IHO1: variants seen among roughly 807,000 people sequenced by gnomAD.
The protein encoded by IHO1 is interactor of HORMAD1 1, also known as interactor of HORMAD1 protein 1.
IHO1 carries 13 observed loss-of-function variants against 31.0 expected under a neutral mutation model. The ratio of observed to expected loss-of-function variants is 0.42; its 90% CI spans 0.27 to 0.67. IHO1 has a LOEUF of 0.67. Among genes scored for constraint, IHO1 ranks in the 30% least tolerant of loss-of-function variants. The pLI, the probability that IHO1 is intolerant of heterozygous loss-of-function variation, is 0.24. For synonymous variants in IHO1, 221 were observed against 248.4 expected, an observed-to-expected ratio of 0.89 and a Z score of 1.04; for missense variants, 599 against 687.5, an observed-to-expected ratio of 0.87 and a Z score of 1.44.
At chr3:49,234,141 A>G (rs1227169601) in intron 2 of IHO1, among the ~76,000 whole-genome samples, 5 of 150,710 alleles carry the variant, frequency 3.3e-5, no homozygotes, top group Admixed American at 1.3e-4. Flanking sequence ...ACAAATTGTT[A>G]CACAGATGTC....
chr3:49,229,111 G>A (rs1385955059), intron 2 of IHO1, among the ~76,000 whole-genome samples: 8 of 152,082 alleles, frequency 5.3e-5, no homozygotes, highest in South Asian at 2.1e-4. Context: ...TGATTGGTGC[G>A]TTTTTACAGA....
chr3:49,194,316 A>ATATT (rs2107671061), upstream of IHO1, among the ~76,000 whole-genome samples: 1 of 138,520 alleles, frequency 7.2e-6, no homozygotes, highest in Admixed American at 7.2e-5. Flanking sequence ...ATATATATAT[A>ATATT]TATTTGAGAC....
chr3:49,202,259 G>A (rs896753488), intron 1 of IHO1, among the ~76,000 whole-genome samples: 3 of 151,704 alleles, frequency 2.0e-5, no homozygotes, highest in African/African-American at 7.3e-5. Flanking sequence ...TTAGAATGAT[G>A]ATGTGTTGCA....
intron 1 of IHO1, among the ~76,000 whole-genome samples, chr3:49,210,944 C>T (rs951999146): frequency 1.3e-5 from 2 of 151,690 alleles, no homozygotes; most frequent in Non-Finnish European, 2.9e-5. Flanking sequence ...GATCCACCCG[C>T]CTCGGTCTCC....
At chr3:49,218,376 C>CTTT (rs34312848) in intron 2 of IHO1, among the ~76,000 whole-genome samples, 48 of 105,788 alleles carry the variant, frequency 4.5e-4, no homozygotes, top group Non-Finnish European at 6.3e-4. Context: ...CAGTTAATAC[C>CTTT]TTTTTTTTTT....
chr3:49,244,936 C>A, intron 6 of IHO1: 1 of 626,704 alleles, frequency 1.6e-6, no homozygotes, highest in South Asian at 1.8e-5. Context: ...ATGCTCTGGT[C>A]CCATGATGCC....
chr3:49,201,682 C>T (rs866373229), intron 1 of IHO1, among the ~76,000 whole-genome samples: 10 of 152,062 alleles, frequency 6.6e-5, no homozygotes, highest in South Asian at 6.2e-4. Flanking sequence ...TTTGGGAAGC[C>T]GAGGCGGGTG....
Position 49,249,275 on chromosome 3 carries a change from A to AT in IHO1, c.532+4555dup, listed in dbSNP as rs34932084. 2.6e-3 allele frequency among the ~76,000 whole-genome samples: 385 copies of AT among 145,948 alleles called. 2 individuals are homozygous for AT. Among genetic ancestry groups the AT allele is most frequent in the African/African-American group, 7.7e-3 (307 of 39,886 alleles). On this transcript the variant is annotated intron_variant, in intron 6 of 7. Transcript: ENST00000452691. ...AGAACTAGAAGAAAACATGGACAAC[A>AT]TTTTTTTTTTTTTGAGATGGAGTTT... is the stretch of plus-strand genomic sequence containing the variant.
intron 1 of IHO1, among the ~76,000 whole-genome samples, chr3:49,203,046 T>C (rs891561718): frequency 6.6e-6 from 1 of 152,012 alleles, no homozygotes; most frequent in South Asian, 2.1e-4. Flanking sequence ...GTATTTTTTT[T>C]AGTAGAGATG....
chr3:49,212,650 T>G (rs1273049873), intron 2 of IHO1, among the ~76,000 whole-genome samples: 2 of 152,100 alleles, frequency 1.3e-5, no homozygotes. Flanking sequence ...TTACAGTTCT[T>G]AAAAGCGGCA....
chr3:49,194,038 G>A (rs1237220864), upstream of IHO1, among the ~76,000 whole-genome samples: 1 of 150,128 alleles, frequency 6.7e-6, no homozygotes, highest in Non-Finnish European at 1.5e-5. Flanking sequence ...GGGAGGCTGA[G>A]GCAGGCAGAT....
At position 49,256,029 on chromosome 3, in the gene IHO1, C is replaced by A; in HGVS notation, c.637-105C>A. On this transcript the variant is annotated intron_variant, in intron 7 of 7. Transcript: ENST00000452691. The surrounding 1 kb of genome is among the most constrained non-coding windows in gnomAD (Gnocchi z 4.6). ...ACCCTGAGAGGTTCCCTACAAGGAG[C>A]AAGCCTTGGTTCTGCTGTCACATCC... is the stretch of plus-strand genomic sequence containing the variant. 1.0e-6 allele frequency: 1 copy of A among 1,003,114 alleles called. No individual in the cohort carries two copies. Among genetic ancestry groups the A allele is most frequent in the Non-Finnish European group, 1.5e-6 (1 of 674,198 alleles). The allele number at this position is 1,003,114 out of a possible 1,614,324, so 62.1% of individuals were successfully genotyped here.
At chr3:49,242,617 G>A (rs575419222) in intron 4 of IHO1, among the ~76,000 whole-genome samples, 1 of 152,226 alleles carries the variant, frequency 6.6e-6, no homozygotes, top group African/African-American at 2.4e-5. Context: ...GGATTAGGAA[G>A]TTGGACAACA....
At chr3:49,224,176 A>G (rs946122535) in intron 2 of IHO1, among the ~76,000 whole-genome samples, 1 of 152,208 alleles carries the variant, frequency 6.6e-6, no homozygotes, top group Non-Finnish European at 1.5e-5. Flanking sequence ...GGAGAAAACT[A>G]TGCCCCCATG....
At position 49,256,386 on chromosome 3, in the gene IHO1, T is replaced by C. The variant is rs147025639; in HGVS notation, c.889T>C (p.Trp297Arg). Residue 297 changes from tryptophan (W) to arginine (R), a missense_variant, in exon 8 of 8, where the codon TGG becomes CGG. Physicochemically the swap from Trp to Arg is moderately radical, Grantham distance 101. Coordinates refer to ENST00000452691, the MANE Select transcript of IHO1 (RefSeq NM_001135197.2). This position sits in a 1 kb window ranked among gnomAD's most constrained non-coding sequence, Gnocchi z 4.6. ...ATACACCTCTGAGAAACCAGTTTTATGGCAGGCCCAGGCCCTCCCTGCTGC... is the reference window on the plus strand; with the variant it reads ...ATACACCTCTGAGAAACCAGTTTTACGGCAGGCCCAGGCCCTCCCTGCTGC... Reference protein sequence around the residue: ...EKYTSEKPVLWQAQALPAAWN... With the variant: ...EKYTSEKPVLRQAQALPAAWN... 1 of 1,614,206 alleles carries C rather than the reference T, an allele frequency of 6.2e-7. No individual in the cohort carries two copies. Among genetic ancestry groups the C allele is most frequent in the Admixed American group, 1.7e-5 (1 of 60,012 alleles).
chr3:49,255,733 TAG>T (rs944547629), intron 7 of IHO1, among the ~76,000 whole-genome samples: 13 of 152,012 alleles, frequency 8.6e-5, no homozygotes, highest in African/African-American at 1.2e-4. Context: ...GTATTTTTAG[TAG>T]AGAGGGGGTT....
At chr3:49,220,495 C>T (rs1256831858) in intron 2 of IHO1, among the ~76,000 whole-genome samples, 2 of 152,174 alleles carry the variant, frequency 1.3e-5, no homozygotes, top group Non-Finnish European at 2.9e-5. Flanking sequence ...GGAGTTTCTT[C>T]CTTCCAGTGG....
chr3:49,247,247 T>C (rs187021056), intron 6 of IHO1, among the ~76,000 whole-genome samples: 1 of 150,948 alleles, frequency 6.6e-6, no homozygotes, highest in African/African-American at 2.4e-5. Context: ...TTTGTTTTTT[T>C]GAGATGGAGT....
rs1203777860 is a variant in IHO1 at position 49,257,735 on chromosome 3, C to CTTA, written c.*456_*458dup. 1 of 157,000 alleles carries CTTA rather than the reference C, an allele frequency of 6.4e-6. No individual in the cohort carries two copies. The highest frequency in any genetic ancestry group is 2.4e-5 in the African/African-American group (1 of 41,468). The allele number at this position is 157,000 out of a possible 1,614,324, so 9.7% of individuals were successfully genotyped here. Reference sequence around the variant, plus strand: ...TTCAGGCCTCAGGATTTTTTTCTTTCTTATTTTTAGCCACTTATGCTACCA... The same window carrying CTTA: ...TTCAGGCCTCAGGATTTTTTTCTTTCTTATTATTTTTAGCCACTTATGCTACCA... On this transcript the variant is annotated 3_prime_UTR_variant, in exon 8 of 8. Transcript: ENST00000452691.
Sources: allele counts gnomAD v4.1 joint callset (sites outside exome capture counted in the v4.1 genomes callset), GRCh38; gene constraint gnomAD v4.1.1; non-coding constraint Gnocchi (gnomAD v3.1); transcripts MANE v1.5; gene names NCBI Gene and HGNC (gene_info 2026-07-23, HGNC 2026-07-21).